CBARP: variants seen among roughly 807,000 people sequenced by gnomAD.
CBARP encodes the protein CACN subunit beta associated regulatory protein.
Under a neutral mutation model 36.3 loss-of-function variants are expected in CBARP, and 24 were observed. The ratio of observed to expected loss-of-function variants is 0.66; its 90% CI spans 0.48 to 0.93. The LOEUF (loss-of-function observed/expected upper bound fraction) is 0.93, where lower values mean the gene tolerates loss of function less well. Ranked by LOEUF, CBARP falls within the 40% of genes least tolerant of loss-of-function variation. CBARP has a pLI of 0.00. For synonymous variants in CBARP, 586 were observed against 453.2 expected, an observed-to-expected ratio of 1.29 and a Z score of -3.72; for missense variants, 1,146 against 980.4, an observed-to-expected ratio of 1.17 and a Z score of -2.26.
rs1476281015 is a variant in CBARP at position 1,235,581 on chromosome 19, G to A, written c.246-16C>T. On this transcript the variant is annotated splice_polypyrimidine_tract_variant and intron_variant, in intron 3 of 9. Transcript: ENST00000650044. ...CTCCATGGCCCTGGGAGAGACGTTG[G>A]GAGAGCCCAGTGGCACGGAGGGCCC... The A allele has an allele frequency of 1.9e-6, 3 of 1,606,222 alleles. No individual in the cohort carries two copies. Among genetic ancestry groups the A allele is most frequent in the South Asian group, 1.1e-5 (1 of 89,860 alleles).
intron 4 of CBARP, 54 bp from the exon 5 acceptor site, chr19:1,235,199 G>A (rs1439207250): frequency 6.3e-6 from 9 of 1,434,588 alleles, no homozygotes; most frequent in Non-Finnish European, 8.3e-6. Flanking sequence ...CCAGGCGCCT[G>A]GTCCCGGGAG....
intron 5 of CBARP, 52 bp from the exon 6 acceptor site, chr19:1,234,794 C>CCAGCTGCCGTG (rs2080942175): frequency 6.3e-7 from 1 of 1,577,528 alleles, no homozygotes; most frequent in Non-Finnish European, 8.6e-7. Context: ...GCCCGATGCC[C>CCAGCTGCCGTG]CAGCTGCCGT....
In CBARP at chr19:1,234,671, AG is replaced by A; in HGVS notation, c.526del (p.Leu176SerfsTer211). The A allele has an allele frequency of 6.2e-7, 1 of 1,612,530 alleles. No individual in the cohort carries two copies. Among genetic ancestry groups the A allele is most frequent in the South Asian group, 1.1e-5 (1 of 90,738 alleles). On this transcript the variant is annotated frameshift_variant, in exon 6 of 10. Coordinates refer to ENST00000650044, the MANE Select transcript of CBARP (RefSeq NM_001393918.1). LOFTEE classifies it high-confidence loss of function. ...ARLTHLHLPP[L>X]KIVTIHECDS... ...ACACTCGTGGATGGTGACAATCTTG[AG>A]GGGCGGCAGGTGCAGGTGCGTGAGC...
rs757545091 is a variant in CBARP, at chr19:1,231,171, G to A, written c.1084C>T (p.Arg362Trp). The A allele has an allele frequency of 1.6e-5, 25 of 1,600,852 alleles. No homozygotes were observed. The highest frequency in any genetic ancestry group is 4.5e-5 in the East Asian group (2 of 44,660). ...GGGAAGGCCACGGCGTCGCCCGCCC[G>A]GGCAATGTACTGGATGAAGTCCTCC... ...PQEDFIQYIA[R>W]AGDAVAFPHP... Residue 362 changes from arginine to tryptophan, a missense_variant, in exon 9 of 10, where the codon CGG becomes TGG. Arg to Trp is a moderately radical substitution (Grantham distance 101). Coordinates refer to ENST00000650044, the MANE Select transcript of CBARP (RefSeq NM_001393918.1).
intron 8 of CBARP, among the ~76,000 whole-genome samples, chr19:1,231,750 G>T (rs2080897548): frequency 6.6e-6 from 1 of 151,872 alleles, no homozygotes; most frequent in African/African-American, 2.4e-5. Context: ...CCCGGGTCAG[G>T]TGGGTGCGGA....
rs775510632 is a variant in CBARP, at chr19:1,234,652, G to C, written c.546C>G (p.His182Gln). 3.1e-6 allele frequency: 5 copies of C among 1,611,872 alleles called. No homozygotes were observed. Among genetic ancestry groups the C allele is most frequent in the Non-Finnish European group, 4.2e-6 (5 of 1,179,362 alleles). Residue 182 changes from histidine to glutamine, a missense_variant, in exon 6 of 10, where the codon CAC (histidine) becomes CAG (glutamine). By Grantham distance (24) the His-to-Gln change is conservative (BLOSUM62 0). Coordinates refer to ENST00000650044, the MANE Select transcript of CBARP (RefSeq NM_001393918.1). ...AGCTGGCCTCGCCTGAGTCACACTC[G>C]TGGATGGTGACAATCTTGAGGGGCG... Reference protein sequence around the residue: ...HLPPLKIVTIHECDSGEASSA... With the variant: ...HLPPLKIVTIQECDSGEASSA...
At position 1,234,985 on chromosome 19, in the gene CBARP, A is replaced by G; in HGVS notation, c.455+16T>C. On this transcript the variant is annotated intron_variant, in intron 5 of 9. Coordinates refer to ENST00000650044, the MANE Select transcript of CBARP (RefSeq NM_001393918.1). ...CAGACAGGCCCTGGGGTGCCTCCCA[A>G]CGCCGCCCCGCTTACCGGCGACCCT... The G allele has an allele frequency of 6.3e-7, 1 of 1,592,970 alleles. No individual in the cohort carries two copies. Among genetic ancestry groups the G allele is most frequent in the South Asian group, 1.1e-5 (1 of 90,266 alleles).
intron 5 of CBARP, 59 bp from the exon 6 acceptor site, chr19:1,234,801 C>T (rs1164916194): frequency 1.3e-6 from 2 of 1,566,430 alleles, no homozygotes; most frequent in South Asian, 1.2e-5. Context: ...GCCCCAGCTG[C>T]CGTGCTCTGC....
Position 1,234,662 on chromosome 19 carries a change from A to T in CBARP, c.536T>A (p.Val179Asp). ...GCCTGAGTCACACTCGTGGATGGTG[A>T]CAATCTTGAGGGGCGGCAGGTGCAG... Reference protein sequence around the residue: ...THLHLPPLKIVTIHECDSGEA... With the variant: ...THLHLPPLKIDTIHECDSGEA... Residue 179 changes from valine (V) to aspartate (D), a missense_variant, in exon 6 of 10, where the codon GTC becomes GAC. By Grantham distance (152) the Val-to-Asp change is radical. Transcript: ENST00000650044. 1 of 1,612,472 alleles carries T rather than the reference A, an allele frequency of 6.2e-7. No homozygotes were observed. The highest frequency in any genetic ancestry group is 2.2e-5 in the East Asian group (1 of 44,834).
At chr19:1,234,130 CAG>C in intron 7 of CBARP, 59 bp downstream of exon 7, 3 of 1,428,560 alleles carry the variant, frequency 2.1e-6, no homozygotes, top group Non-Finnish European at 1.8e-6. Context: ...GGACTGGGGA[CAG>C]GGAGGGGAAG....
rs570711411 is a variant in CBARP, at chr19:1,235,444, G to A, written c.310+57C>T. The A allele has an allele frequency of 4.0e-6, 6 of 1,498,208 alleles. No individual in the cohort carries two copies. The East Asian group carries it at 9.8e-5, about 24-fold the overall frequency. 92.8% of individuals were successfully genotyped at this position (1,498,208 alleles called of 1,614,324 possible). On this transcript the variant is annotated intron_variant, in intron 4 of 9. Transcript: ENST00000650044. The stretch of plus-strand genomic sequence containing the variant: ...GGTCAGGCAGCCCGAGGGGGCGGCG[G>A]GTGGCCGAGGGGCGGATGGACAGGC...
rs1469524232 is a variant in CBARP, at chr19:1,229,345, C to A, written c.1952G>T (p.Gly651Val). 5.8e-6 allele frequency: 7 copies of A among 1,202,420 alleles called. No homozygotes were observed. The highest frequency in any genetic ancestry group is 9.4e-5 in the East Asian group (1 of 10,648). 74.5% of individuals were successfully genotyped at this position (1,202,420 alleles called of 1,614,324 possible). The change falls in exon 10 of 10, where the codon GGG becomes GTG. Residue 651 changes from glycine (G) to valine (V), a missense_variant. Coordinates refer to ENST00000650044, the MANE Select transcript of CBARP (RefSeq NM_001393918.1). The surrounding 1 kb of genome is among the most constrained non-coding windows in gnomAD (Gnocchi z 5.1). ...GACGCACAGGCCCGAGCCGGGGCAC[C>A]CCCCGCCGCCCGGCTCCTCCTCGAT... ...PVIEEEPGGG[G>V]CPGSGLCVLP...
At chr19:1,234,444 AC>A in intron 6 of CBARP, 113 bp from the exon 7 acceptor site, 1 of 1,434,760 alleles carries the variant, frequency 7.0e-7, no homozygotes, top group Non-Finnish European at 9.1e-7. Context: ...GCCCTGCTCC[AC>A]CCCACCCCGC....
rs1466760741 is a variant in CBARP, at chr19:1,234,276, C to T, written c.683G>A (p.Gly228Asp). ...RSVGPSSALP[G>D]DPYNSAAGAT... Reference sequence around the variant, plus strand: ...GCCCGCGGCTGAGTTGTAGGGGTCACCTGGCAGGGCGGAGCTGGGGCCCAC... The same window carrying T: ...GCCCGCGGCTGAGTTGTAGGGGTCATCTGGCAGGGCGGAGCTGGGGCCCAC... The change falls in exon 7 of 10, where the codon GGT becomes GAT. Residue 228 changes from glycine (G) to aspartate (D), a missense_variant. Gly to Asp is a moderately conservative substitution (Grantham distance 94, BLOSUM62 -1). Transcript: ENST00000650044. 6.9e-7 allele frequency: 1 copy of T among 1,454,546 alleles called. No homozygotes were observed. The highest frequency in any genetic ancestry group is 1.4e-5 in the African/African-American group (1 of 69,918). The allele number at this position is 1,454,546 out of a possible 1,614,324, so 90.1% of individuals were successfully genotyped here. A position where few individuals can be genotyped will look rare whatever the true frequency, so the allele number is the denominator to read the frequency against.
In CBARP at chr19:1,230,059, T is replaced by G. The variant is rs1193512240; in HGVS notation, c.1238A>C (p.Gln413Pro). 1 of 1,208,060 alleles carries G rather than the reference T, an allele frequency of 8.3e-7. No homozygotes were observed. The highest frequency in any genetic ancestry group is 1.0e-6 in the Non-Finnish European group (1 of 952,878). 74.8% of individuals were successfully genotyped at this position (1,208,060 alleles called of 1,614,324 possible). ...GGCGTCCGGCTCCAGTGGCGGCTGC[T>G]GCTGCTCAGGCCCCGCGCTGCCCGC... is the stretch of plus-strand genomic sequence containing the variant. ...RGAGSAGPEQ[Q>P]QPPLEPDAER... Residue 413 changes from glutamine to proline, a missense_variant, in exon 10 of 10, where the codon CAG (glutamine) becomes CCG (proline). Gln to Pro is a moderately conservative substitution (Grantham distance 76). Coordinates refer to ENST00000650044, the MANE Select transcript of CBARP (RefSeq NM_001393918.1).
At chr19:1,236,177 A>G (rs552124766) in intron 1 of CBARP, 56 bp from the exon 2 acceptor site, 2 of 1,363,878 alleles carry the variant, frequency 1.5e-6, no homozygotes, top group East Asian at 3.0e-5. Flanking sequence ...TGCAGGAGCC[A>G]CTGCAGACAA....
chr19:1,234,841 G>T, intron 5 of CBARP, 99 bp from the exon 6 acceptor site: 1 of 1,518,550 alleles, frequency 6.6e-7, no homozygotes, highest in Non-Finnish European at 8.9e-7. Flanking sequence ...GGCAGGGGCA[G>T]GCGAAAGGGG....
intron 8 of CBARP, among the ~76,000 whole-genome samples, chr19:1,232,761 C>T (rs2080910733): frequency 6.6e-6 from 1 of 152,274 alleles, no homozygotes; most frequent in African/African-American, 2.4e-5. Flanking sequence ...CAGCCACGTG[C>T]ATTCGTCATG....
In CBARP at chr19:1,231,210, C is replaced by T. The variant is rs1192430915; in HGVS notation, c.1045G>A (p.Gly349Arg). The change falls in exon 9 of 10, where the codon GGG (glycine) becomes AGG (arginine). Residue 349 changes from glycine (G) to arginine (R), a missense_variant. Gly to Arg is a moderately radical substitution (Grantham distance 125, BLOSUM62 -2). Coordinates refer to ENST00000650044, the MANE Select transcript of CBARP (RefSeq NM_001393918.1). ...ATGAAGTCCTCCTGGGGGGCATCCC[C>T]CTCCTCCTGCTCCGTGCTCTCACTG... ...AASESTEQEE[G>R]DAPQEDFIQY... 2 of 1,603,142 alleles carry T rather than the reference C, an allele frequency of 1.2e-6. No homozygotes were observed. Among genetic ancestry groups the T allele is most frequent in the African/African-American group, 1.3e-5 (1 of 74,902 alleles).
Sources: gnomAD v4.1 joint callset for allele counts (sites outside exome capture counted in the v4.1 genomes callset) on GRCh38, gnomAD v4.1.1 for gene constraint, Gnocchi (gnomAD v3.1) non-coding constraint, MANE v1.5 for transcripts, NCBI Gene and HGNC (gene_info 2026-07-23, HGNC 2026-07-21) for gene names.